MARCHF1: variants seen among roughly 807,000 people sequenced by gnomAD.
The protein encoded by MARCHF1 is membrane associated ring-CH-type finger 1.
MARCHF1 carries 40 observed loss-of-function variants against 54.2 expected under a neutral mutation model. The observed-to-expected ratio is 0.74, with a 90% confidence interval of 0.57 to 0.96. The LOEUF is 0.96. Ranked by LOEUF, MARCHF1 falls within the 40% of genes least tolerant of loss-of-function variation. MARCHF1 has a pLI of 0.00. For synonymous variants in MARCHF1, 236 were observed against 236.3 expected (o/e 1.00, Z 0.01); for missense variants, 586 against 656.5 (o/e 0.89, Z 1.17).
chr4:163,911,839 G>A (rs1329505032), intron 3 of MARCHF1, among the ~76,000 whole-genome samples: 2 of 152,102 alleles, frequency 1.3e-5, no homozygotes, highest in Admixed American at 6.6e-5. Flanking sequence ...GAGAGATTTC[G>A]GGAGAAATCA....
At chr4:164,129,434 T>C (rs1021687797) in intron 1 of MARCHF1, among the ~76,000 whole-genome samples, 18 of 152,030 alleles carry the variant, frequency 1.2e-4, no homozygotes, top group African/African-American at 4.3e-4. Flanking sequence ...TTTCCTATTC[T>C]ATGTGGCTAC....
chr4:164,197,443 T>C (rs1478533867), intron 1 of MARCHF1: 2 of 1,613,614 alleles, frequency 1.2e-6, no homozygotes, highest in Non-Finnish European at 1.7e-6. Context: ...GCCACTTAAA[T>C]ATAGATGCGT....
intron 3 of MARCHF1, among the ~76,000 whole-genome samples, chr4:163,873,887 G>A (rs1750233405): frequency 6.6e-6 from 1 of 152,122 alleles, no homozygotes; most frequent in South Asian, 2.1e-4. Flanking sequence ...CTCTGGAATC[G>A]TACCCCTAAG....
At chr4:164,068,683 C>T (rs545802111) in intron 2 of MARCHF1, among the ~76,000 whole-genome samples, 49 of 152,240 alleles carry the variant, frequency 3.2e-4, no homozygotes, top group South Asian at 1.0e-3. Context: ...TGACGAGTGC[C>T]GCCCCCTGCT....
intron 5 of MARCHF1, 31 bp from the exon 6 acceptor site, chr4:163,613,424 T>A (rs764361390): frequency 6.2e-7 from 1 of 1,613,284 alleles, no homozygotes; most frequent in South Asian, 1.1e-5. Flanking sequence ...ATTTGGCATC[T>A]TGGTTAAGGT....
intron 1 of MARCHF1, among the ~76,000 whole-genome samples, chr4:164,296,821 T>C (rs1199404304): frequency 6.6e-6 from 1 of 152,144 alleles, no homozygotes; most frequent in Non-Finnish European, 1.5e-5. Context: ...GGCCCAAACA[T>C]GCACCTTTTA....
At chr4:164,081,080 C>A (rs1363502635) in intron 2 of MARCHF1, among the ~76,000 whole-genome samples, 2 of 147,618 alleles carry the variant, frequency 1.4e-5, no homozygotes, top group African/African-American at 5.0e-5. Flanking sequence ...CGGTGGCGGG[C>A]TCCTGTAGTC....
chr4:163,721,439 T>C (rs1443017482), intron 4 of MARCHF1, among the ~76,000 whole-genome samples: 2 of 152,206 alleles, frequency 1.3e-5, no homozygotes, highest in East Asian at 1.9e-4. Flanking sequence ...GCCAGTATTT[T>C]ATTGAGGATT....
At chr4:163,918,346 C>A (rs550719395) in intron 3 of MARCHF1, among the ~76,000 whole-genome samples, 21 of 151,924 alleles carry the variant, frequency 1.4e-4, no homozygotes, top group Non-Finnish European at 2.4e-4. Flanking sequence ...ATATTTTCTC[C>A]CCGTCTGTTG....
chr4:164,257,468 A>C (rs7688006), intron 1 of MARCHF1, among the ~76,000 whole-genome samples: 17,681 of 146,924 alleles, frequency 0.12, 1,606 homozygotes, highest in African/African-American at 0.26. Context: ...GTTTTGTTTC[A>C]TTCTTTTTTT....
At chr4:163,700,733 A>G (rs1277820882) in intron 5 of MARCHF1, 80 bp downstream of exon 5, 4 of 1,065,814 alleles carry the variant, frequency 3.8e-6, no homozygotes, top group African/African-American at 1.6e-5. Context: ...GATAACAATT[A>G]TAGGTTAAAC....
intron 1 of MARCHF1, among the ~76,000 whole-genome samples, chr4:164,372,164 A>T (rs1731054254): frequency 6.6e-6 from 1 of 152,230 alleles, no homozygotes; most frequent in African/African-American, 2.4e-5. Context: ...TAATTTCTGT[A>T]TAGTATTCAA....
chr4:163,875,254 GTGTTCAGATAGTT>G (rs1231370507), intron 3 of MARCHF1, among the ~76,000 whole-genome samples: 1 of 151,926 alleles, frequency 6.6e-6, no homozygotes, highest in Admixed American at 6.6e-5. Context: ...TCCCTTAAGT[GTGTTCAGATAGTT>G]TTGTGACCTA....
chr4:163,535,670 A>C (rs80100529), intron 9 of MARCHF1, among the ~76,000 whole-genome samples: 1,651 of 152,174 alleles, frequency 0.011, 25 homozygotes, highest in African/African-American at 0.036. Context: ...TAAGTAACAC[A>C]GTGGCATCAA....
chr4:163,605,123 C>G (rs1741099170), intron 7 of MARCHF1, among the ~76,000 whole-genome samples: 1 of 151,934 alleles, frequency 6.6e-6, no homozygotes, highest in Admixed American at 6.6e-5. Flanking sequence ...GATATGATGA[C>G]AGAGCTAGAA....
chr4:163,759,904 G>T (rs1419794050), intron 4 of MARCHF1, among the ~76,000 whole-genome samples: 1 of 152,118 alleles, frequency 6.6e-6, no homozygotes, highest in Admixed American at 6.6e-5. Context: ...GAAAGCTGCT[G>T]ACTTCAATCA....
intron 1 of MARCHF1, among the ~76,000 whole-genome samples, chr4:164,205,265 G>C (rs1292072413): frequency 6.6e-6 from 1 of 152,200 alleles, no homozygotes; most frequent in African/African-American, 2.4e-5. Flanking sequence ...TTACTGAGCA[G>C]TCAATATGTC....
chr4:163,961,731 G>T (rs1329200461), intron 3 of MARCHF1, among the ~76,000 whole-genome samples: 1 of 151,900 alleles, frequency 6.6e-6, no homozygotes, highest in East Asian at 1.9e-4. Context: ...TCTCTTTGAC[G>T]CCTTTTTCCC....
intron 3 of MARCHF1, among the ~76,000 whole-genome samples, chr4:163,860,547 C>T (rs1422569451): frequency 1.3e-5 from 2 of 152,074 alleles, no homozygotes; most frequent in South Asian, 2.1e-4. Flanking sequence ...TCTGCCCTGC[C>T]TATGGTGGGG....
Sources: gnomAD v4.1 joint callset for allele counts (sites outside exome capture counted in the v4.1 genomes callset) on GRCh38, gnomAD v4.1.1 for gene constraint, MANE v1.5 for transcripts, NCBI Gene and HGNC (gene_info 2026-07-23, HGNC 2026-07-21) for gene names.